AKAP6: variants seen among roughly 807,000 people sequenced by gnomAD.
AKAP6 encodes A-kinase anchor protein 6.
AKAP6 carries 58 observed loss-of-function variants against 188.5 expected under a neutral mutation model. The observed-to-expected ratio is 0.31, with a 90% CI of 0.25 to 0.38. The LOEUF is 0.38. Among genes scored for constraint, AKAP6 ranks in the 10% least tolerant of loss-of-function variants. AKAP6 has a pLI of 1.00. For missense variants in AKAP6, 2,710 were observed against 2,740.0 expected (o/e 0.99, Z 0.24); for synonymous variants, 989 against 998.6 (o/e 0.99, Z 0.18).
intron 11 of AKAP6, among the ~76,000 whole-genome samples, chr14:32,744,492 A>G (rs1350524187): frequency 4.0e-5 from 6 of 151,800 alleles, no homozygotes; most frequent in Admixed American, 6.6e-5. Context: ...AATTCTTTGT[A>G]TCTTTGGTAG....
Position 32,681,677 on chromosome 14 carries a change from AT to A in AKAP6, c.2879+3237del, listed in dbSNP as rs34833229. ...ATTAACTCATTCATTAATTTGACAA[AT>A]TTTTTTTTTTTTTTTTTTGAGATAG... On this transcript the variant is annotated intron_variant, in intron 8 of 13. Transcript: ENST00000280979. 3.8e-3 allele frequency among the ~76,000 whole-genome samples: 519 copies of A among 138,132 alleles called. 1 individual carries two copies. Among genetic ancestry groups the A allele is most frequent in the Middle Eastern group, 0.015 (4 of 270 alleles). The allele number at this position is 138,132 out of a possible 152,430, so 90.6% of individuals were successfully genotyped here.
intron 9 of AKAP6, among the ~76,000 whole-genome samples, chr14:32,721,458 C>G (rs1429439871): frequency 2.0e-5 from 3 of 152,104 alleles, no homozygotes; most frequent in African/African-American, 7.2e-5. Flanking sequence ...TGAACCTAAC[C>G]ACATAAATTC....
At chr14:32,539,662 C>A (rs1286398532) in intron 3 of AKAP6, among the ~76,000 whole-genome samples, 1 of 152,126 alleles carries the variant, frequency 6.6e-6, no homozygotes, top group African/African-American at 2.4e-5. Context: ...AATGGAAGTT[C>A]TCTTAAGAAC....
At chr14:32,560,129 G>C (rs1883886807) in intron 4 of AKAP6, among the ~76,000 whole-genome samples, 1 of 152,094 alleles carries the variant, frequency 6.6e-6, no homozygotes, top group Non-Finnish European at 1.5e-5. Flanking sequence ...ATACACAGTA[G>C]ATGAATGGGG....
chr14:32,521,933 A>C (rs1881858130), intron 2 of AKAP6, among the ~76,000 whole-genome samples: 1 of 152,246 alleles, frequency 6.6e-6, no homozygotes, highest in Non-Finnish European at 1.5e-5. Flanking sequence ...ACCTGACTTC[A>C]AACTATACTA....
chr14:32,412,209 T>C (rs1889511517), intron 1 of AKAP6, among the ~76,000 whole-genome samples: 1 of 152,224 alleles, frequency 6.6e-6, no homozygotes, highest in African/African-American at 2.4e-5. Flanking sequence ...ATAAAGACTT[T>C]ATTGAATTTT....
intron 1 of AKAP6, among the ~76,000 whole-genome samples, chr14:32,353,422 G>A (rs1043296555): frequency 1.2e-4 from 18 of 152,186 alleles, no homozygotes; most frequent in Non-Finnish European, 2.5e-4. Context: ...TTAGCTGGGT[G>A]TGGTGGCGGG....
rs926615854 is a variant in AKAP6, at chr14:32,440,477, TA to T, written c.324+6671del. On this transcript the variant is annotated intron_variant, in intron 2 of 13. Coordinates refer to ENST00000280979, the MANE Select transcript of AKAP6 (RefSeq NM_004274.5). Reference sequence around the variant, plus strand: ...ACATGTACCCTAGAACTTAAAGTATTAAAAAAAAAAACTTGATTTAATTAAA... The same window carrying T: ...ACATGTACCCTAGAACTTAAAGTATTAAAAAAAAAACTTGATTTAATTAAA... Among the ~76,000 whole-genome samples, 1,043 of 146,916 alleles carry T rather than the reference TA, an allele frequency of 7.1e-3. 8 individuals are homozygous for T. Among genetic ancestry groups the T allele is most frequent in the African/African-American group, 0.024 (978 of 40,256 alleles).
intron 7 of AKAP6, among the ~76,000 whole-genome samples, chr14:32,604,196 T>A (rs1255994282): frequency 8.5e-5 from 13 of 152,142 alleles, no homozygotes; most frequent in Admixed American, 8.5e-4. Flanking sequence ...TCTAGAGCAT[T>A]TTCATGTCAC....
intron 7 of AKAP6, among the ~76,000 whole-genome samples, chr14:32,602,761 C>T (rs534926145): frequency 2.0e-5 from 3 of 152,166 alleles, no homozygotes; most frequent in African/African-American, 2.4e-5. Flanking sequence ...TTTTAATCCC[C>T]GATGGAGAAA....
At chr14:32,537,744 T>C (rs991975800) in intron 3 of AKAP6, among the ~76,000 whole-genome samples, 11 of 152,216 alleles carry the variant, frequency 7.2e-5, no homozygotes, top group African/African-American at 1.4e-4. Context: ...GCTGGAGATA[T>C]AGCAGTGCTC....
chr14:32,539,011 T>C (rs1369128475), intron 3 of AKAP6, among the ~76,000 whole-genome samples: 1 of 152,198 alleles, frequency 6.6e-6, no homozygotes, highest in Non-Finnish European at 1.5e-5. Context: ...ATCTTCTCTA[T>C]TTATTGGTTT....
At chr14:32,703,758 T>C (rs1890703440) in intron 9 of AKAP6, among the ~76,000 whole-genome samples, 1 of 152,208 alleles carries the variant, frequency 6.6e-6, no homozygotes, top group Non-Finnish European at 1.5e-5. Flanking sequence ...GAGATAAGTT[T>C]ATTCCAATAA....
Position 32,628,884 on chromosome 14 carries a change from T to C in AKAP6, c.2730+28092T>C, listed in dbSNP as rs538805770. On this transcript the variant is annotated intron_variant, in intron 7 of 13. Transcript: ENST00000280979. The stretch of plus-strand genomic sequence containing the variant: ...GAATAAAATGAACACTTTGTTAAAA[T>C]ATTTAAGTTAAGCCAAATAAAAATG... Among the ~76,000 whole-genome samples the C allele has an allele frequency of 7.9e-5, 12 of 152,222 alleles. No individual in the cohort carries two copies. In the East Asian group the frequency reaches 2.3e-3, roughly 29 times the overall value.
At chr14:32,648,035 C>T (rs1050252158) in intron 7 of AKAP6, among the ~76,000 whole-genome samples, 2 of 151,966 alleles carry the variant, frequency 1.3e-5, no homozygotes, top group Non-Finnish European at 2.9e-5. Context: ...GTATAATTCC[C>T]TTAATTGTCT....
intron 2 of AKAP6, among the ~76,000 whole-genome samples, chr14:32,510,400 ATATG>A (rs1319148927): frequency 8.9e-5 from 9 of 100,910 alleles, no homozygotes; most frequent in East Asian, 8.4e-4. Flanking sequence ...ATGTGTATAT[ATATG>A]TATATATATG....
chr14:32,342,512 T>G (rs1340296471), intron 1 of AKAP6, among the ~76,000 whole-genome samples: 3 of 152,214 alleles, frequency 2.0e-5, no homozygotes, highest in African/African-American at 7.2e-5. Context: ...CATGCTCTTC[T>G]ACTTCCTGCC....
intron 13 of AKAP6, 65 bp from the exon 14 acceptor site, chr14:32,829,783 C>G (rs1315985977): frequency 1.5e-6 from 1 of 653,248 alleles, no homozygotes; most frequent in African/African-American, 1.8e-5. Flanking sequence ...CCTCAAAGGG[C>G]TTGGTTTTGC....
intron 1 of AKAP6, among the ~76,000 whole-genome samples, chr14:32,339,686 A>T (rs181715354): frequency 6.6e-6 from 1 of 152,242 alleles, no homozygotes; most frequent in East Asian, 1.9e-4. Context: ...TGAAAGTTTC[A>T]GATAGGGAGA....
Sources: allele counts gnomAD v4.1 joint callset (sites outside exome capture counted in the v4.1 genomes callset), GRCh38; gene constraint gnomAD v4.1.1; transcripts MANE v1.5; gene names NCBI Gene and HGNC (gene_info 2026-07-23, HGNC 2026-07-21).